ADAM17: variants seen among roughly 807,000 people sequenced by gnomAD.
ADAM17 encodes the protein disintegrin and metalloproteinase domain-containing protein 17.
In ADAM17, 39 loss-of-function variants were observed where a neutral mutation model predicts 96.7. That is an observed-to-expected ratio of 0.40 (90% confidence interval 0.31 to 0.53). The LOEUF (loss-of-function observed/expected upper bound fraction) is 0.53, where lower values mean the gene tolerates loss of function less well. ADAM17 is among the 20% of genes least tolerant of loss of function. The pLI is 0.44. For missense variants in ADAM17, 777 were observed against 1,013.2 expected, an observed-to-expected ratio of 0.77 and a Z score of 3.17; for synonymous variants, 344 against 359.2, an observed-to-expected ratio of 0.96 and a Z score of 0.48.
chr2:9,506,460 G>A lies in ADAM17; in HGVS notation c.1345-1095C>T, dbSNP rs541457039. Among the ~76,000 whole-genome samples the A allele has an allele frequency of 6.1e-5, 9 of 146,684 alleles. No individual in the cohort carries two copies. The South Asian group carries it at 8.8e-4, about 14-fold the overall frequency. On this transcript the variant is annotated intron_variant, in intron 11 of 18. Transcript: ENST00000310823. ...TGGCTTATTGTAACCTCCGCCTCCC[G>A]GGTTCAAGTGATTCTTCTGCCTCAG... is the stretch of plus-strand genomic sequence containing the variant.
At chr2:9,545,344 G>A (rs1665364300) in intron 1 of ADAM17, among the ~76,000 whole-genome samples, 1 of 152,088 alleles carries the variant, frequency 6.6e-6, no homozygotes, top group Non-Finnish European at 1.5e-5. Flanking sequence ...AGAGGCGGGT[G>A]GATCACCTGA....
chr2:9,491,272 A>G, intron 17 of ADAM17, 121 bp from the exon 18 acceptor site: 7 of 832,194 alleles, frequency 8.4e-6, no homozygotes, highest in Non-Finnish European at 1.3e-5. Context: ...GTAGAAAGTG[A>G]TAGCAGGCTC....
intron 2 of ADAM17, among the ~76,000 whole-genome samples, chr2:9,537,331 C>T (rs928692244): frequency 6.6e-6 from 1 of 152,264 alleles, no homozygotes. Flanking sequence ...GGGAAATAAA[C>T]CTGGTTTATT....
rs1175201568 is a variant in ADAM17, at chr2:9,543,237, T to C, written c.146A>G (p.Asn49Ser). 1.2e-6 allele frequency: 2 copies of C among 1,609,904 alleles called. No homozygotes were observed. The highest frequency in any genetic ancestry group is 2.2e-5 in the East Asian group (1 of 44,722). ...LSDYDILSLS[N>S]IQQHSVRKRD... ...TTTTCTTACCGAATGCTGCTGGATATTAGATAAAGAGAGAATATCGTAGTC... is the reference window on the plus strand; with the variant it reads ...TTTTCTTACCGAATGCTGCTGGATACTAGATAAAGAGAGAATATCGTAGTC... The change falls in exon 2 of 19, where the codon AAT becomes AGT. Residue 49 changes from asparagine to serine, a missense_variant. Coordinates refer to ENST00000310823, the MANE Select transcript of ADAM17 (RefSeq NM_003183.6).
At chr2:9,517,874 T>C in intron 10 of ADAM17, 27 bp downstream of exon 10, 1 of 1,487,996 alleles carries the variant, frequency 6.7e-7, no homozygotes, top group Non-Finnish European at 9.1e-7. Context: ...ACTCTAACAC[T>C]ATTCTTTTAG....
intron 17 of ADAM17, 98 bp from the exon 18 acceptor site, chr2:9,491,249 T>C: frequency 4.5e-6 from 5 of 1,122,678 alleles, no homozygotes; most frequent in Middle Eastern, 2.1e-4. Flanking sequence ...CTGAAGAACT[T>C]AGAACCTGAG....
At chr2:9,537,893 AGGGG>A (rs1665032752) in intron 2 of ADAM17, among the ~76,000 whole-genome samples, 2 of 60,396 alleles carry the variant, frequency 3.3e-5, no homozygotes, top group African/African-American at 6.3e-5. Flanking sequence ...AGGGGAGGGG[AGGGG>A]AGGGGAGGAG....
intron 6 of ADAM17, 60 bp from the exon 7 acceptor site, chr2:9,523,398 C>A: frequency 7.2e-7 from 1 of 1,392,274 alleles, no homozygotes; most frequent in Non-Finnish European, 1.0e-6. Context: ...CCTGGCAATG[C>A]AATATAAAAT....
chr2:9,509,686 ACCAGACCCTGAAAT>A (rs1447456764), intron 11 of ADAM17, among the ~76,000 whole-genome samples: 1 of 152,210 alleles, frequency 6.6e-6, no homozygotes, highest in East Asian at 1.9e-4. Flanking sequence ...GCCTGAGCCC[ACCAGACCCTGAAAT>A]CCAGAACTCC....
At chr2:9,523,377 TC>T in intron 6 of ADAM17, 39 bp from the exon 7 acceptor site, 1 of 1,466,222 alleles carries the variant, frequency 6.8e-7, no homozygotes, top group South Asian at 1.2e-5. Flanking sequence ...ATTATGTAAC[TC>T]TTTACCTCTC....
rs547472069 is a variant in ADAM17 at position 9,541,225 on chromosome 2, A to G, written c.230+1928T>C. ...AAAATGAGGTAAATATGCTATCTAT[A>G]TCACCTATACACACACAGAGACCTA... On this transcript the variant is annotated intron_variant, in intron 2 of 18. Transcript: ENST00000310823. Among the ~76,000 whole-genome samples the G allele has an allele frequency of 9.2e-5, 14 of 152,346 alleles. 1 individual carries two copies. The South Asian group carries it at 2.1e-3, about 23-fold the overall frequency.
intron 1 of ADAM17, among the ~76,000 whole-genome samples, chr2:9,546,591 T>C (rs575444354): frequency 6.6e-6 from 1 of 152,336 alleles, no homozygotes; most frequent in South Asian, 2.1e-4. Context: ...AGTTTATCTC[T>C]TATCCATATC....
intron 2 of ADAM17, among the ~76,000 whole-genome samples, chr2:9,539,529 T>C (rs113485862): frequency 6.6e-6 from 1 of 152,234 alleles, no homozygotes; most frequent in African/African-American, 2.4e-5. Context: ...AGTGTTTCTA[T>C]GCTTTTTCAA....
At chr2:9,522,538 G>A in intron 7 of ADAM17, 1 of 487,812 alleles carries the variant, frequency 2.0e-6, no homozygotes, top group Non-Finnish European at 3.7e-6. Flanking sequence ...TTATAAACAT[G>A]GTGAATGATT....
chr2:9,503,930 A>C (rs1189520646), intron 12 of ADAM17, among the ~76,000 whole-genome samples: 1 of 152,002 alleles, frequency 6.6e-6, no homozygotes, highest in Non-Finnish European at 1.5e-5. Context: ...AGAAGGGTGG[A>C]TCACTTGAGC....
At chr2:9,533,496 G>A (rs900749252) in intron 4 of ADAM17, among the ~76,000 whole-genome samples, 4 of 152,120 alleles carry the variant, frequency 2.6e-5, no homozygotes, top group Non-Finnish European at 5.9e-5. Context: ...GCAGTGAGCT[G>A]AGATCACGCC....
At chr2:9,503,578 C>T (rs1009411107) in intron 12 of ADAM17, among the ~76,000 whole-genome samples, 1 of 152,144 alleles carries the variant, frequency 6.6e-6, no homozygotes, top group Non-Finnish European at 1.5e-5. Context: ...CAGTGGCTCA[C>T]GCCTGTAATC....
intron 7 of ADAM17, chr2:9,521,842 TGCC>T (rs1171316230): frequency 5.6e-4 from 38 of 67,672 alleles, no homozygotes; most frequent in African/African-American, 2.9e-3. Flanking sequence ...TGAGTCTCTC[TGCC>T]TGCCTGCCTG....
At chr2:9,553,681 A>C (rs1665654096) in intron 1 of ADAM17, among the ~76,000 whole-genome samples, 1 of 151,264 alleles carries the variant, frequency 6.6e-6, no homozygotes, top group Non-Finnish European at 1.5e-5. Flanking sequence ...GCCTCAAAAA[A>C]AAAAAAAAAG....
Sources: gnomAD v4.1 joint callset for allele counts (sites outside exome capture counted in the v4.1 genomes callset) on GRCh38, gnomAD v4.1.1 for gene constraint, MANE v1.5 for transcripts, NCBI Gene and HGNC (gene_info 2026-07-23, HGNC 2026-07-21) for gene names.